The following FBXO4 variants were observed in gnomAD, a reference collection of about 807,000 sequenced individuals.
FBXO4 encodes the protein F-box protein 4, also known as F-box only protein 4.
A neutral mutation model predicts 43.7 loss-of-function variants in FBXO4; 36 were observed. The ratio of observed to expected loss-of-function variants is 0.82; its 90% CI spans 0.63 to 1.09. The LOEUF is 1.09. FBXO4 is among the 50% of genes least tolerant of loss of function. FBXO4 has a pLI of 0.00. For synonymous variants in FBXO4, 180 were observed against 165.6 expected (o/e 1.09, Z -0.67); for missense variants, 435 against 474.1 (o/e 0.92, Z 0.77).
the FBXO4 span, among the ~76,000 whole-genome samples, chr5:42,029,730 C>G: frequency 2.0e-5 from 3 of 152,044 alleles, no homozygotes; most frequent in South Asian, 6.2e-4. Flanking sequence ...ATTCATTCTG[C>G]TATTAAATGA....
At chr5:41,971,645 C>T in the FBXO4 span, among the ~76,000 whole-genome samples, 1 of 151,904 alleles carries the variant, frequency 6.6e-6, no homozygotes, top group Non-Finnish European at 1.5e-5. Flanking sequence ...TGATTATGTG[C>T]ATTTTAGTAT....
At chr5:41,957,110 A>G in the FBXO4 span, among the ~76,000 whole-genome samples, 1 of 152,122 alleles carries the variant, frequency 6.6e-6, no homozygotes, top group Non-Finnish European at 1.5e-5. Flanking sequence ...TACTATTACT[A>G]GATTTCATTC....
the FBXO4 span, among the ~76,000 whole-genome samples, chr5:41,949,696 C>T: frequency 2.0e-5 from 3 of 152,176 alleles, no homozygotes; most frequent in African/African-American, 7.2e-5. Flanking sequence ...ACTTTCTTCA[C>T]AGATTTGGAA....
the FBXO4 span, among the ~76,000 whole-genome samples, chr5:42,016,273 A>C: frequency 6.6e-6 from 1 of 152,146 alleles, no homozygotes; most frequent in East Asian, 1.9e-4. Flanking sequence ...AATGAGATAC[A>C]AACAGAAAAC....
At chr5:41,958,119 G>T in the FBXO4 span, among the ~76,000 whole-genome samples, 2 of 150,012 alleles carry the variant, frequency 1.3e-5, no homozygotes, top group Non-Finnish European at 3.0e-5. Flanking sequence ...CTTAAATCTA[G>T]TCTGTTAACA....
chr5:42,010,986 T>C, the FBXO4 span, among the ~76,000 whole-genome samples: 6 of 152,156 alleles, frequency 3.9e-5, no homozygotes, highest in Non-Finnish European at 8.8e-5. Context: ...ATCAACCCGT[T>C]ATCTACATTA....
chr5:42,036,248 G>A, the FBXO4 span, among the ~76,000 whole-genome samples: 3 of 151,330 alleles, frequency 2.0e-5, no homozygotes, highest in Non-Finnish European at 4.4e-5. Flanking sequence ...TGCATGTTTA[G>A]TGGATGGGTA....
At chr5:41,990,036 T>C in the FBXO4 span, among the ~76,000 whole-genome samples, 274 of 152,302 alleles carry the variant, frequency 1.8e-3, 2 homozygotes, top group African/African-American at 6.2e-3. Context: ...GGGGTGCATC[T>C]TGAGTCCTTC....
At chr5:41,947,619 G>C in the FBXO4 span, among the ~76,000 whole-genome samples, 2 of 152,200 alleles carry the variant, frequency 1.3e-5, no homozygotes, top group Admixed American at 1.3e-4. Flanking sequence ...GCCTAGTATA[G>C]GCTAGAAGTA....
the FBXO4 span, among the ~76,000 whole-genome samples, chr5:42,009,967 C>T: frequency 3.9e-5 from 6 of 152,120 alleles, no homozygotes; most frequent in Non-Finnish European, 8.8e-5. Context: ...CACTGTTGTA[C>T]TTCATGTCTC....
the FBXO4 span, among the ~76,000 whole-genome samples, chr5:42,030,608 G>A: frequency 6.6e-6 from 1 of 151,656 alleles, no homozygotes; most frequent in Non-Finnish European, 1.5e-5. Flanking sequence ...TTGACAAATG[G>A]GAACTAATTA....
chr5:42,007,803 C>G, the FBXO4 span, among the ~76,000 whole-genome samples: 1 of 152,018 alleles, frequency 6.6e-6, no homozygotes, highest in Non-Finnish European at 1.5e-5. Flanking sequence ...GGTGGAGTGG[C>G]GCCAACATAT....
intron 5 of FBXO4, chr5:41,934,544 G>T (rs926432801): frequency 7.3e-7 from 1 of 1,367,392 alleles, no homozygotes; most frequent in African/African-American, 1.5e-5. Context: ...TTTATTCCTA[G>T]ATTTGGGTTG....
At chr5:42,036,759 A>C in the FBXO4 span, among the ~76,000 whole-genome samples, 1 of 152,144 alleles carries the variant, frequency 6.6e-6, no homozygotes, top group Non-Finnish European at 1.5e-5. Context: ...GGAGCAAAAT[A>C]TATGATACAA....
the FBXO4 span, among the ~76,000 whole-genome samples, chr5:41,999,518 T>C: frequency 0.041 from 4,714 of 113,880 alleles, 121 homozygotes; most frequent in Admixed American, 0.075. Context: ...TATATATATA[T>C]ATATACATAT....
At chr5:42,025,184 G>A in the FBXO4 span, among the ~76,000 whole-genome samples, 1 of 151,704 alleles carries the variant, frequency 6.6e-6, no homozygotes, top group African/African-American at 2.4e-5. Context: ...TAGTGGATAG[G>A]GTTCCCTTTT....
At chr5:41,967,135 AGT>A in the FBXO4 span, 41 of 368,026 alleles carry the variant, frequency 1.1e-4, no homozygotes, top group African/African-American at 8.4e-4. Context: ...AAGACACAAG[AGT>A]TAGTTAGTGG....
the FBXO4 span, among the ~76,000 whole-genome samples, chr5:42,001,803 T>A: frequency 1.6e-4 from 25 of 152,146 alleles, no homozygotes; most frequent in Admixed American, 2.6e-4. Flanking sequence ...GCAATTCTCC[T>A]GCTCAGCCTC....
At chr5:41,947,634 C>G in the FBXO4 span, among the ~76,000 whole-genome samples, 2 of 152,182 alleles carry the variant, frequency 1.3e-5, no homozygotes, top group Non-Finnish European at 2.9e-5. Flanking sequence ...GAAGTACATT[C>G]AAGCATTAAT....
Sources: allele counts gnomAD v4.1 joint callset (sites outside exome capture counted in the v4.1 genomes callset), GRCh38; gene constraint gnomAD v4.1.1; transcripts MANE v1.5; gene names NCBI Gene and HGNC (gene_info 2026-07-23, HGNC 2026-07-21).